UBR3: variants seen among roughly 807,000 people sequenced by gnomAD.
UBR3 encodes E3 ubiquitin-protein ligase UBR3.
In UBR3, 85 loss-of-function variants were observed where a neutral mutation model predicts 243.2. The ratio of observed to expected loss-of-function variants is 0.35; its 90% CI spans 0.29 to 0.42. UBR3 has a LOEUF of 0.42. Among genes scored for constraint, UBR3 ranks in the 10% least tolerant of loss-of-function variants. The pLI, the probability that UBR3 is intolerant of heterozygous loss-of-function variation, is 1.00. For missense variants in UBR3, 1,686 were observed against 2,300.8 expected (o/e 0.73, Z 5.47); for synonymous variants, 748 against 799.8 (o/e 0.94, Z 1.09).
At chr2:169,905,081 T>A in intron 8 of UBR3, 33 bp from the exon 9 acceptor site, 3 of 1,422,188 alleles carry the variant, frequency 2.1e-6, no homozygotes, top group Non-Finnish European at 2.8e-6. Flanking sequence ...AAAAATCTTA[T>A]GAAATTTTTG....
chr2:170,043,690 C>A (rs1411560650), intron 32 of UBR3, among the ~76,000 whole-genome samples: 2 of 152,132 alleles, frequency 1.3e-5, no homozygotes, highest in Non-Finnish European at 2.9e-5. Context: ...TGCTTCTTTG[C>A]CAAGTGCTGG....
chr2:169,858,612 A>G (rs762954856), intron 1 of UBR3, among the ~76,000 whole-genome samples: 44 of 151,756 alleles, frequency 2.9e-4, no homozygotes, highest in Admixed American at 2.7e-3. Flanking sequence ...TTATTTATTT[A>G]TTTTTGAGAC....
At chr2:169,915,805 T>C (rs1480029472) in intron 11 of UBR3, among the ~76,000 whole-genome samples, 1 of 152,186 alleles carries the variant, frequency 6.6e-6, no homozygotes, top group Non-Finnish European at 1.5e-5. Flanking sequence ...ATTCATTCAT[T>C]TATTTTTGTC....
chr2:169,873,756 T>C (rs1479443772), intron 2 of UBR3, among the ~76,000 whole-genome samples: 2 of 152,226 alleles, frequency 1.3e-5, no homozygotes, highest in African/African-American at 2.4e-5. Context: ...TTCAAATTAC[T>C]GTCTCTTCGG....
rs192590150 is a variant in UBR3 at position 169,944,561 on chromosome 2, A to G, written c.2806-1727A>G. ...CTTGATTTTACTACTAGTAATAATA[A>G]AGTTCTCCATTGACATTGCGTTGGC... On this transcript the variant is annotated intron_variant, in intron 20 of 38. Transcript: ENST00000272793. Among the ~76,000 whole-genome samples the G allele has an allele frequency of 3.9e-5, 6 of 152,306 alleles. No individual in the cohort carries two copies. In the East Asian group the frequency reaches 1.2e-3, roughly 29 times the overall value.
chr2:169,953,222 G>C (rs1574275021), intron 23 of UBR3, among the ~76,000 whole-genome samples: 1 of 152,228 alleles, frequency 6.6e-6, no homozygotes, highest in Non-Finnish European at 1.5e-5. Flanking sequence ...TATTGACAAG[G>C]ACTTGAAACT....
chr2:169,978,954 G>A (rs2088594051), intron 24 of UBR3, among the ~76,000 whole-genome samples: 1 of 152,124 alleles, frequency 6.6e-6, no homozygotes, highest in Admixed American at 6.6e-5. Context: ...AGGAGGTATT[G>A]TACTGTTAAG....
At chr2:169,966,394 C>G (rs2087811134) in intron 24 of UBR3, among the ~76,000 whole-genome samples, 2 of 152,162 alleles carry the variant, frequency 1.3e-5, no homozygotes, top group South Asian at 2.1e-4. Context: ...AAAATTTATA[C>G]AGTACAGAAA....
chr2:169,882,400 A>G (rs1287459755), intron 5 of UBR3, among the ~76,000 whole-genome samples: 5 of 144,104 alleles, frequency 3.5e-5, no homozygotes, highest in Non-Finnish European at 6.0e-5. Flanking sequence ...ATATATATAT[A>G]TAAAATAAGG....
chr2:169,883,041 A>G (rs779684341), intron 5 of UBR3, among the ~76,000 whole-genome samples: 51 of 152,302 alleles, frequency 3.3e-4, no homozygotes, highest in Admixed American at 2.3e-3. Context: ...TACTGTTGCT[A>G]TGCAGCAAAT....
chr2:169,891,854 G>A (rs2084390508), intron 6 of UBR3, among the ~76,000 whole-genome samples: 1 of 152,152 alleles, frequency 6.6e-6, no homozygotes, highest in Non-Finnish European at 1.5e-5. Flanking sequence ...CAGAGCCTAA[G>A]CTTTTAACCA....
At chr2:169,938,056 T>C (rs1233525553) in intron 19 of UBR3, among the ~76,000 whole-genome samples, 1 of 152,174 alleles carries the variant, frequency 6.6e-6, no homozygotes, top group Non-Finnish European at 1.5e-5. Context: ...ATGAGTTCTG[T>C]AGCCAAAATT....
chr2:169,924,287 T>A (rs180942998), intron 13 of UBR3, 114 bp downstream of exon 13: 28 of 791,570 alleles, frequency 3.5e-5, no homozygotes, highest in East Asian at 1.7e-4. Context: ...AAACTTTTTT[T>A]AAAAAGTTGT....
intron 1 of UBR3, among the ~76,000 whole-genome samples, chr2:169,857,780 T>G (rs976550755): frequency 6.6e-6 from 1 of 150,650 alleles, no homozygotes; most frequent in East Asian, 2.0e-4. Flanking sequence ...TTTCACTGTT[T>G]CCCAGGCTGG....
intron 29 of UBR3, among the ~76,000 whole-genome samples, chr2:170,011,478 T>G (rs1202212973): frequency 6.6e-6 from 1 of 152,128 alleles, no homozygotes; most frequent in Non-Finnish European, 1.5e-5. Context: ...TTTATTTGTA[T>G]TTAGTATTAG....
At chr2:169,868,926 AC>A (rs1394516413) in intron 1 of UBR3, among the ~76,000 whole-genome samples, 1 of 152,076 alleles carries the variant, frequency 6.6e-6, no homozygotes, top group African/African-American at 2.4e-5. Flanking sequence ...TAGCCCTGGT[AC>A]CCCTTTATTC....
At chr2:170,059,196 CATTAT>C (rs531250782) in intron 33 of UBR3, among the ~76,000 whole-genome samples, 166 of 151,714 alleles carry the variant, frequency 1.1e-3, no homozygotes, top group Non-Finnish European at 1.7e-3. Context: ...GTGAACATTA[CATTAT>C]ATTTAACTTT....
intron 32 of UBR3, among the ~76,000 whole-genome samples, chr2:170,049,557 A>G (rs1235281790): frequency 6.6e-6 from 1 of 151,552 alleles, no homozygotes; most frequent in African/African-American, 2.4e-5. Flanking sequence ...GGGGATTACT[A>G]TTTCAAAGGG....
At chr2:170,013,851 A>G (rs2090155337) in intron 29 of UBR3, 1 of 463,378 alleles carries the variant, frequency 2.2e-6, no homozygotes, top group Admixed American at 2.4e-5. Context: ...ATTAGGCAAC[A>G]GAAGATTTGT....
Sources: allele counts gnomAD v4.1 joint callset (sites outside exome capture counted in the v4.1 genomes callset), GRCh38; gene constraint gnomAD v4.1.1; transcripts MANE v1.5; gene names NCBI Gene and HGNC (gene_info 2026-07-23, HGNC 2026-07-21).